The following USP46 variants were observed in gnomAD, a reference collection of about 807,000 sequenced individuals.
USP46 encodes ubiquitin carboxyl-terminal hydrolase 46.
A neutral mutation model predicts 44.4 loss-of-function variants in USP46; 12 were observed. The ratio of observed to expected loss-of-function variants is 0.27; its 90% confidence interval spans 0.17 to 0.44. USP46 has a LOEUF of 0.44. USP46 is among the 20% of genes least tolerant of loss of function. The probability of loss-of-function intolerance (pLI) is 1.00; values close to 1 mark genes in which losing one functional copy is unlikely to be tolerated. For missense variants in USP46, 248 were observed against 444.8 expected (o/e 0.56, Z 3.98); for synonymous variants, 155 against 161.5 (o/e 0.96, Z 0.31).
At chr4:52,620,335 G>A (rs951915752) in intron 4 of USP46, among the ~76,000 whole-genome samples, 1 of 152,182 alleles carries the variant, frequency 6.6e-6, no homozygotes, top group Non-Finnish European at 1.5e-5. Context: ...AGGTTTTCTA[G>A]CTACAAATGT....
rs1310565010 is a variant in USP46 at position 52,602,171 on chromosome 4, A to C, written c.723-117T>G. On this transcript the variant is annotated intron_variant, in intron 6 of 8. Coordinates refer to ENST00000441222, the MANE Select transcript of USP46 (RefSeq NM_022832.4). The stretch of plus-strand genomic sequence containing the variant: ...GTTCTATCCAACTTCAAACCAGCAA[A>C]CAACCAAACAGTTTGCAAGGATAAA... 4.4e-6 allele frequency: 5 copies of C among 1,142,146 alleles called. No individual in the cohort carries two copies. The East Asian group carries it at 1.2e-4, about 27-fold the overall frequency. 70.8% of individuals were successfully genotyped at this position (1,142,146 alleles called of 1,614,324 possible).
rs201736514 is a variant in USP46 at position 52,632,988 on chromosome 4, A to G, written c.37-1844T>C. Among the ~76,000 whole-genome samples, 12 of 31,380 alleles carry G rather than the reference A, an allele frequency of 3.8e-4. 1 individual carries two copies. The highest frequency in any genetic ancestry group is 1.3e-3 in the South Asian group (1 of 758). 20.6% of individuals were successfully genotyped at this position (31,380 alleles called of 152,430 possible). ...AGAAAGAAAGAAAGAAAGAAAGAAA[A>G]GAAAAGAAAGAAAGAAAGAAAGAAA... is the stretch of plus-strand genomic sequence containing the variant. On this transcript the variant is annotated intron_variant, in intron 1 of 8. Coordinates refer to ENST00000441222, the MANE Select transcript of USP46 (RefSeq NM_022832.4).
chr4:52,629,956 A>T (rs1367045871), intron 2 of USP46, among the ~76,000 whole-genome samples: 2 of 152,252 alleles, frequency 1.3e-5, no homozygotes, highest in Non-Finnish European at 2.9e-5. Flanking sequence ...TATCATGGGC[A>T]GCATTTACTT....
chr4:52,615,343 C>A (rs1213399453), intron 4 of USP46, among the ~76,000 whole-genome samples: 1 of 152,034 alleles, frequency 6.6e-6, no homozygotes, highest in African/African-American at 2.4e-5. Context: ...GGAAAAACGA[C>A]ATACTATGCG....
chr4:52,645,172 C>T (rs1411692968), intron 1 of USP46, among the ~76,000 whole-genome samples: 2 of 151,102 alleles, frequency 1.3e-5, no homozygotes, highest in African/African-American at 4.9e-5. Context: ...TTGCAGTGAG[C>T]CGAGATCGCG....
chr4:52,642,408 G>A (rs1718377302), intron 1 of USP46, among the ~76,000 whole-genome samples: 1 of 152,218 alleles, frequency 6.6e-6, no homozygotes, highest in African/African-American at 2.4e-5. Context: ...CTGGAATTGG[G>A]TTTGAACTTG....
rs1716211602 is a variant in USP46 at position 52,595,775 on chromosome 4, G to GT, written c.*1864dup. On this transcript the variant is annotated 3_prime_UTR_variant, in exon 9 of 9. Coordinates refer to ENST00000441222, the MANE Select transcript of USP46 (RefSeq NM_022832.4). ...CCAACCATCATGTTCTTAAAACTTTGTAACTTGCAGTCAAATATATGGATT... is the reference window on the plus strand; with the variant it reads ...CCAACCATCATGTTCTTAAAACTTTGTTAACTTGCAGTCAAATATATGGATT... 6.6e-6 allele frequency: 1 copy of GT among 152,054 alleles called. No individual in the cohort carries two copies. The highest frequency in any genetic ancestry group is 1.5e-5 in the Non-Finnish European group (1 of 68,032). 9.4% of individuals were successfully genotyped at this position (152,054 alleles called of 1,614,324 possible).
chr4:52,638,760 C>T (rs1718218536), intron 1 of USP46, among the ~76,000 whole-genome samples: 1 of 151,898 alleles, frequency 6.6e-6, no homozygotes, highest in Non-Finnish European at 1.5e-5. Flanking sequence ...ACAATACCTG[C>T]TGCATGGACT....
chr4:52,631,307 T>C (rs982066673), intron 1 of USP46, among the ~76,000 whole-genome samples, 163 bp from the exon 2 acceptor site: 44 of 151,980 alleles, frequency 2.9e-4, no homozygotes, highest in Non-Finnish European at 1.0e-4. Context: ...AGCAGAAGAG[T>C]AGTTAATAAT....
intron 4 of USP46, 49 bp from the exon 5 acceptor site, chr4:52,610,666 A>G: frequency 6.4e-7 from 1 of 1,574,288 alleles, no homozygotes; most frequent in South Asian, 1.1e-5. Context: ...TATGTAGTAG[A>G]TAAAACTTTG....
intron 4 of USP46, among the ~76,000 whole-genome samples, chr4:52,614,548 C>T (rs1226073720): frequency 1.3e-5 from 2 of 152,124 alleles, no homozygotes; most frequent in Non-Finnish European, 2.9e-5. Context: ...CCTGGAATTC[C>T]TATATGCCAC....
At chr4:52,629,604 C>T (rs767205511) in intron 2 of USP46, 19 of 456,182 alleles carry the variant, frequency 4.2e-5, no homozygotes, top group Admixed American at 2.4e-4. Flanking sequence ...TTCCTCCTTC[C>T]ATTTTTTCCT....
chr4:52,622,552 G>A (rs974324977), intron 4 of USP46, among the ~76,000 whole-genome samples: 1 of 151,930 alleles, frequency 6.6e-6, no homozygotes, highest in African/African-American at 2.4e-5. Context: ...TACTCCTTGG[G>A]CACCAGAGAG....
chr4:52,602,405 A>T (rs1298404133), intron 6 of USP46, among the ~76,000 whole-genome samples: 2 of 152,144 alleles, frequency 1.3e-5, no homozygotes, highest in Non-Finnish European at 2.9e-5. Flanking sequence ...GATGATGGAG[A>T]GGAAGGTTGA....
intron 3 of USP46, among the ~76,000 whole-genome samples, chr4:52,627,327 T>C (rs746809972): frequency 2.0e-5 from 3 of 152,230 alleles, no homozygotes; most frequent in Admixed American, 6.5e-5. Flanking sequence ...TAAATAGTAA[T>C]TGCCATAACA....
At chr4:52,651,747 C>T (rs1390434582) in intron 1 of USP46, among the ~76,000 whole-genome samples, 1 of 152,166 alleles carries the variant, frequency 6.6e-6, no homozygotes, top group African/African-American at 2.4e-5. Context: ...CTCACCAGAA[C>T]AGGCCCCAGA....
intron 4 of USP46, among the ~76,000 whole-genome samples, chr4:52,621,781 A>G (rs569565592): frequency 6.6e-6 from 1 of 152,368 alleles, no homozygotes; most frequent in South Asian, 2.1e-4. Flanking sequence ...TGCTCCCAAA[A>G]GGATACCCCA....
intron 1 of USP46, among the ~76,000 whole-genome samples, chr4:52,635,224 C>T (rs992475595): frequency 3.3e-5 from 5 of 152,236 alleles, no homozygotes; most frequent in African/African-American, 1.2e-4. Context: ...ATATGGATAA[C>T]GGATCCAGCT....
intron 1 of USP46, among the ~76,000 whole-genome samples, chr4:52,658,567 G>C (rs539821025): frequency 1.3e-5 from 2 of 152,214 alleles, no homozygotes; most frequent in Non-Finnish European, 2.9e-5. Flanking sequence ...TTTCAAACCA[G>C]GTTGAAGTTC....
Sources: allele counts gnomAD v4.1 joint callset (sites outside exome capture counted in the v4.1 genomes callset), GRCh38; gene constraint gnomAD v4.1.1; transcripts MANE v1.5; gene names NCBI Gene and HGNC (gene_info 2026-07-23, HGNC 2026-07-21).